SCEL: variants seen among roughly 807,000 people sequenced by gnomAD.
The protein encoded by SCEL is sciellin.
A neutral mutation model predicts 117.6 loss-of-function variants in SCEL; 113 were observed. The ratio of observed to expected loss-of-function variants is 0.96; its 90% CI spans 0.83 to 1.12. SCEL has a LOEUF of 1.12. Ranked by LOEUF, SCEL falls within the 50% of genes most tolerant of loss-of-function variation. The pLI is 0.00. For synonymous variants in SCEL, 270 were observed against 256.2 expected (o/e 1.05, Z -0.51); for missense variants, 785 against 810.8 (o/e 0.97, Z 0.39).
At chr13:77,551,047 G>A (rs1225838550) in intron 1 of SCEL, among the ~76,000 whole-genome samples, 1 of 152,224 alleles carries the variant, frequency 6.6e-6, no homozygotes, top group Non-Finnish European at 1.5e-5. Flanking sequence ...CAGGGCAGCA[G>A]CCTAGTCTTG....
At chr13:77,633,528 A>G (rs1398637685) in intron 28 of SCEL, among the ~76,000 whole-genome samples, 2 of 151,618 alleles carry the variant, frequency 1.3e-5, no homozygotes, top group African/African-American at 4.8e-5. Flanking sequence ...AAGAACTTTA[A>G]TAACACAAAA....
rs770147230 is a variant in SCEL at position 77,602,139 on chromosome 13, T to C, written c.977+15T>C. Reference sequence around the variant, plus strand: ...AATGAGAAAGGGTAAGTCAATCTCCTACCTTGATGGAGCTCTTTTTATTCA... The same window carrying C: ...AATGAGAAAGGGTAAGTCAATCTCCCACCTTGATGGAGCTCTTTTTATTCA... On this transcript the variant is annotated intron_variant, in intron 16 of 32. Coordinates refer to ENST00000349847, the MANE Select transcript of SCEL (RefSeq NM_144777.3). The C allele has an allele frequency of 5.6e-6, 9 of 1,597,972 alleles. No homozygotes were observed. In the South Asian group the frequency reaches 1.0e-4, roughly 18 times the overall value.
intron 3 of SCEL, among the ~76,000 whole-genome samples, 155 bp from the exon 4 acceptor site, chr13:77,559,649 T>C (rs545198350): frequency 1.3e-5 from 2 of 152,328 alleles, no homozygotes; most frequent in East Asian, 3.9e-4. Context: ...TGGTGACTGG[T>C]TAAAATAGAT....
rs2084664784 is a variant in SCEL, at chr13:77,556,537, A to C, written c.44-59A>C. ...TGCCTCTCAGGATTTTCAGGTTAAC[A>C]AGCCCACGCTCAACTCCACACTATT... On this transcript the variant is annotated intron_variant, in intron 2 of 32. Coordinates refer to ENST00000349847, the MANE Select transcript of SCEL (RefSeq NM_144777.3). The C allele has an allele frequency of 2.1e-6, 3 of 1,426,132 alleles. No individual in the cohort carries two copies. The East Asian group carries it at 6.8e-5, about 32-fold the overall frequency. 88.3% of individuals were successfully genotyped at this position (1,426,132 alleles called of 1,614,324 possible). A position where few individuals can be genotyped will look rare whatever the true frequency, so the allele number is the denominator to read the frequency against.
chr13:77,629,310 C>T (rs1594174201), intron 28 of SCEL, among the ~76,000 whole-genome samples: 1 of 152,194 alleles, frequency 6.6e-6, no homozygotes, highest in East Asian at 1.9e-4. Flanking sequence ...GGCTTTTGTC[C>T]ATCTTTTTCC....
At chr13:77,593,400 C>T (rs17068033) in intron 11 of SCEL, 114 bp from the exon 12 acceptor site, 17,692 of 684,492 alleles carry the variant, frequency 0.026, 625 homozygotes, top group East Asian at 0.12. Flanking sequence ...CTCAGTAATT[C>T]CTGAACACCA....
chr13:77,563,729 C>T (rs1293211226), intron 4 of SCEL, 102 bp from the exon 5 acceptor site: 1 of 790,640 alleles, frequency 1.3e-6, no homozygotes, highest in Non-Finnish European at 2.0e-6. Flanking sequence ...ATATTTCCTA[C>T]TGAAATAGGT....
intron 22 of SCEL, among the ~76,000 whole-genome samples, chr13:77,612,465 T>C (rs369861822): frequency 1.5e-4 from 10 of 65,592 alleles, no homozygotes; most frequent in Non-Finnish European, 2.5e-4. Context: ...TCTTTTTTTT[T>C]TTTTTTTTTT....
intron 31 of SCEL, 23 bp from the exon 32 acceptor site, chr13:77,642,683 T>C (rs776558467): frequency 1.2e-5 from 16 of 1,362,098 alleles, no homozygotes; most frequent in Admixed American, 1.9e-5. Flanking sequence ...ATGGAAACTT[T>C]ATATATGTAT....
intron 30 of SCEL, 62 bp from the exon 31 acceptor site, chr13:77,640,614 A>G (rs948947150): frequency 2.9e-5 from 20 of 696,276 alleles, no homozygotes; most frequent in Non-Finnish European, 4.2e-5. Context: ...GTGAGTTTAT[A>G]GGGAATACAT....
At chr13:77,549,327 A>C (rs1166641782) in intron 1 of SCEL, among the ~76,000 whole-genome samples, 1 of 152,072 alleles carries the variant, frequency 6.6e-6, no homozygotes, top group African/African-American at 2.4e-5. Flanking sequence ...TGAGCATTTT[A>C]CCTGTTAGCC....
chr13:77,569,242 A>G, intron 7 of SCEL, 129 bp from the exon 8 acceptor site: 1 of 676,728 alleles, frequency 1.5e-6, no homozygotes, highest in African/African-American at 1.8e-5. Flanking sequence ...CTGTTTTTCT[A>G]TCCCCAAGTG....
At chr13:77,556,255 T>G (rs559877188) in intron 2 of SCEL, among the ~76,000 whole-genome samples, 1 of 152,318 alleles carries the variant, frequency 6.6e-6, no homozygotes, top group African/African-American at 2.4e-5. Flanking sequence ...TTTTGTGGGC[T>G]TCCAGGGTAT....
intron 29 of SCEL, 147 bp from the exon 30 acceptor site, chr13:77,636,973 T>TAA (rs889315147): frequency 6.8e-6 from 3 of 442,078 alleles, no homozygotes; most frequent in African/African-American, 6.5e-5. Flanking sequence ...TTCTACAGAT[T>TAA]AAAAAAATGT....
intron 22 of SCEL, 45 bp from the exon 23 acceptor site, chr13:77,612,846 T>C (rs779678182): frequency 8.9e-7 from 1 of 1,119,212 alleles, no homozygotes; most frequent in Non-Finnish European, 1.3e-6. Flanking sequence ...ATACAAATTA[T>C]TGGATTTTAG....
At chr13:77,551,151 G>A (rs2084297667) in intron 1 of SCEL, among the ~76,000 whole-genome samples, 1 of 152,188 alleles carries the variant, frequency 6.6e-6, no homozygotes, top group South Asian at 2.1e-4. Context: ...TGGACATGTT[G>A]CATCCTCTCT....
chr13:77,585,873 G>A (rs1021378716), intron 9 of SCEL, among the ~76,000 whole-genome samples: 1 of 151,998 alleles, frequency 6.6e-6, no homozygotes, highest in African/African-American at 2.4e-5. Flanking sequence ...TTTTTGTTGT[G>A]CTCTTCCAGA....
intron 6 of SCEL, 61 bp downstream of exon 6, chr13:77,567,809 A>G (rs1020807963): frequency 1.7e-5 from 18 of 1,033,674 alleles, no homozygotes; most frequent in Admixed American, 4.8e-5. Flanking sequence ...AGTGTTACCT[A>G]TGTACTTGCA....
At chr13:77,560,265 TAAAAA>T (rs5804913) in intron 4 of SCEL, among the ~76,000 whole-genome samples, 1 of 133,184 alleles carries the variant, frequency 7.5e-6, no homozygotes, top group Non-Finnish European at 1.6e-5. Context: ...ACCCTGCCTC[TAAAAA>T]AAAAAAAAAA....
Sources: allele counts gnomAD v4.1 joint callset (sites outside exome capture counted in the v4.1 genomes callset), GRCh38; gene constraint gnomAD v4.1.1; transcripts MANE v1.5; gene names NCBI Gene and HGNC (gene_info 2026-07-23, HGNC 2026-07-21).